Variants in SH3GL3 observed in about 807,000 individuals in gnomAD.
SH3GL3 encodes the protein endophilin-A3.
SH3GL3 carries 33 observed loss-of-function variants against 47.7 expected under a neutral mutation model. The observed-to-expected ratio is 0.69, with a 90% CI of 0.52 to 0.92. The LOEUF (loss-of-function observed/expected upper bound fraction) is 0.92, where lower values mean the gene tolerates loss of function less well. SH3GL3 is among the 40% of genes least tolerant of loss of function. The pLI is 0.00. For synonymous variants in SH3GL3, 155 were observed against 148.8 expected (o/e 1.04, Z -0.30); for missense variants, 363 against 417.8 (o/e 0.87, Z 1.14).
intron 1 of SH3GL3, among the ~76,000 whole-genome samples, chr15:83,541,369 T>C (rs2044158862): frequency 8.1e-6 from 1 of 123,972 alleles, no homozygotes; most frequent in Admixed American, 1.0e-4. Context: ...AGTCTCGCTC[T>C]GTCGCCCAGG....
At chr15:83,607,800 G>C (rs2151839278) in intron 8 of SH3GL3, among the ~76,000 whole-genome samples, 1 of 151,384 alleles carries the variant, frequency 6.6e-6, no homozygotes, top group South Asian at 2.1e-4. Flanking sequence ...TCTAATTAAG[G>C]CAGCTGTTTG....
At chr15:83,458,917 C>A (rs559394301) in intron 1 of SH3GL3, among the ~76,000 whole-genome samples, 1 of 152,358 alleles carries the variant, frequency 6.6e-6, no homozygotes, top group South Asian at 2.1e-4. Context: ...TATTGACTCA[C>A]ACGATCACAA....
At chr15:83,562,850 C>T (rs1458767326) in intron 2 of SH3GL3, among the ~76,000 whole-genome samples, 1 of 152,170 alleles carries the variant, frequency 6.6e-6, no homozygotes, top group East Asian at 1.9e-4. Flanking sequence ...TTAAACATTT[C>T]AACAATCTTG....
intron 1 of SH3GL3, among the ~76,000 whole-genome samples, chr15:83,498,515 T>C (rs1487437530): frequency 6.6e-6 from 1 of 152,232 alleles, no homozygotes; most frequent in African/African-American, 2.4e-5. Context: ...TCATCATTCA[T>C]TCAACGCTTC....
Position 83,498,269 on chromosome 15 carries a change from C to A in SH3GL3, c.45+50691C>A, listed in dbSNP as rs2042158577. Among the ~76,000 whole-genome samples the A allele has an allele frequency of 2.0e-5, 3 of 152,316 alleles. No individual in the cohort carries two copies. In the South Asian group the frequency reaches 6.2e-4, roughly 32 times the overall value. ...AACCAGCCTTCATCTTTGGGCATAG[C>A]ACTCTGGAGCTGATTACCTCCCCTT... On this transcript the variant is annotated intron_variant, in intron 1 of 8. Transcript: ENST00000427482.
chr15:83,524,136 G>A (rs1049862087), intron 1 of SH3GL3, among the ~76,000 whole-genome samples: 32 of 152,142 alleles, frequency 2.1e-4, no homozygotes, highest in Non-Finnish European at 4.4e-5. Flanking sequence ...GATACTATAC[G>A]CAGGGAGCTC....
intron 1 of SH3GL3, among the ~76,000 whole-genome samples, chr15:83,460,521 G>A (rs1006409553): frequency 3.3e-5 from 5 of 152,112 alleles, no homozygotes; most frequent in Admixed American, 2.6e-4. Context: ...TACTCATACC[G>A]TAGGAGGTTT....
intron 2 of SH3GL3, among the ~76,000 whole-genome samples, chr15:83,563,035 A>G (rs1444802478): frequency 1.3e-5 from 2 of 152,186 alleles, no homozygotes; most frequent in Non-Finnish European, 2.9e-5. Flanking sequence ...CTCCAGATTA[A>G]TTTATTTAGC....
At chr15:83,553,190 C>A (rs1337116179) in intron 1 of SH3GL3, among the ~76,000 whole-genome samples, 1 of 152,044 alleles carries the variant, frequency 6.6e-6, no homozygotes, top group African/African-American at 2.4e-5. Context: ...CCAGCCTGGG[C>A]AACAAAGCGA....
chr15:83,559,252 G>C lies in SH3GL3; in HGVS notation c.46-1G>C, dbSNP rs1207558509. On this transcript the variant is annotated splice_acceptor_variant, in intron 1 of 8. Transcript: ENST00000427482. LOFTEE classifies it high-confidence loss of function. The stretch of plus-strand genomic sequence containing the variant: ...GCAATTATTTATGTTTATTTCTGCA[G>C]CTATTTAGTGAAAAAATAAGTGGTG... 1 of 1,514,888 alleles carries C rather than the reference G, an allele frequency of 6.6e-7. No individual in the cohort carries two copies. Among genetic ancestry groups the C allele is most frequent in the Non-Finnish European group, 9.2e-7 (1 of 1,089,668 alleles). The allele number at this position is 1,514,888 out of a possible 1,614,324, so 93.8% of individuals were successfully genotyped here. A position where few individuals can be genotyped will look rare whatever the true frequency, so the allele number is the denominator to read the frequency against.
intron 1 of SH3GL3, among the ~76,000 whole-genome samples, chr15:83,502,332 A>T (rs1397363801): frequency 6.6e-6 from 1 of 152,218 alleles, no homozygotes; most frequent in Non-Finnish European, 1.5e-5. Context: ...GTGAGTAACC[A>T]CTGCCATGTT....
intron 1 of SH3GL3, among the ~76,000 whole-genome samples, chr15:83,495,981 A>T (rs72760320): frequency 2.6e-5 from 4 of 151,902 alleles, no homozygotes; most frequent in Non-Finnish European, 2.9e-5. Flanking sequence ...TAAAAAAAAA[A>T]GGAGCGGGGA....
intron 8 of SH3GL3, among the ~76,000 whole-genome samples, chr15:83,613,873 A>C (rs2060741461): frequency 6.6e-6 from 1 of 152,184 alleles, no homozygotes; most frequent in African/African-American, 2.4e-5. Flanking sequence ...CTCTTGGAAA[A>C]GGAGAGGACT....
chr15:83,584,734 TG>T (rs1201604736), intron 6 of SH3GL3, among the ~76,000 whole-genome samples: 3 of 152,204 alleles, frequency 2.0e-5, no homozygotes, highest in Non-Finnish European at 2.9e-5. Context: ...AACATTTTCA[TG>T]GGTGAGGTCA....
chr15:83,559,838 A>G (rs991507127), intron 2 of SH3GL3, among the ~76,000 whole-genome samples: 1 of 152,236 alleles, frequency 6.6e-6, no homozygotes, highest in Non-Finnish European at 1.5e-5. Context: ...TACAGAGATG[A>G]CAAGTGTGCC....
chr15:83,507,716 C>T (rs2042573677), intron 1 of SH3GL3, among the ~76,000 whole-genome samples: 1 of 151,958 alleles, frequency 6.6e-6, no homozygotes, highest in African/African-American at 2.4e-5. Context: ...CGCCTGGCCT[C>T]ATTCATTTAT....
intron 1 of SH3GL3, among the ~76,000 whole-genome samples, chr15:83,527,635 C>A (rs1901530446): frequency 6.6e-6 from 1 of 152,070 alleles, no homozygotes; most frequent in South Asian, 2.1e-4. Flanking sequence ...TTATGGGTGG[C>A]ATATAGTTGG....
At chr15:83,563,267 A>T (rs531230137) in intron 2 of SH3GL3, among the ~76,000 whole-genome samples, 1 of 152,230 alleles carries the variant, frequency 6.6e-6, no homozygotes, top group East Asian at 1.9e-4. Flanking sequence ...GTATTCCTTT[A>T]CTTGGATGTT....
intron 1 of SH3GL3, among the ~76,000 whole-genome samples, chr15:83,519,052 T>C (rs377600093): frequency 6.6e-6 from 1 of 151,686 alleles, no homozygotes; most frequent in East Asian, 1.9e-4. Flanking sequence ...ACCAGCACCA[T>C]GATGTTTTAG....
Sources: gnomAD v4.1 joint callset for allele counts (sites outside exome capture counted in the v4.1 genomes callset) on GRCh38, gnomAD v4.1.1 for gene constraint, MANE v1.5 for transcripts, NCBI Gene and HGNC (gene_info 2026-07-23, HGNC 2026-07-21) for gene names.